PIP5K1B: variants seen among roughly 807,000 people sequenced by gnomAD.
PIP5K1B encodes phosphatidylinositol 4-phosphate 5-kinase type-1 beta.
In PIP5K1B, 42 loss-of-function variants were observed where a neutral mutation model predicts 67.0. That is an observed-to-expected ratio of 0.63 (90% CI 0.49 to 0.81). The LOEUF (loss-of-function observed/expected upper bound fraction) is 0.81, where lower values mean the gene tolerates loss of function less well. Among genes scored for constraint, PIP5K1B ranks in the 30% least tolerant of loss-of-function variants. The pLI is 0.00. For synonymous variants in PIP5K1B, 214 were observed against 231.4 expected, an observed-to-expected ratio of 0.92 and a Z score of 0.68; for missense variants, 459 against 646.3, an observed-to-expected ratio of 0.71 and a Z score of 3.14.
chr9:68,874,961 G>A (rs1360680361), intron 5 of PIP5K1B, among the ~76,000 whole-genome samples: 2 of 152,002 alleles, frequency 1.3e-5, no homozygotes, highest in Non-Finnish European at 2.9e-5. Flanking sequence ...ATTATTACAT[G>A]CCATATAAGT....
chr9:68,801,046 C>A (rs1485730225), intron 2 of PIP5K1B, among the ~76,000 whole-genome samples: 2 of 152,220 alleles, frequency 1.3e-5, no homozygotes, highest in African/African-American at 4.8e-5. Flanking sequence ...TGAGTCAGCA[C>A]CTGCTACTAC....
At chr9:68,810,923 T>C (rs1457373891) in intron 2 of PIP5K1B, among the ~76,000 whole-genome samples, 1 of 152,228 alleles carries the variant, frequency 6.6e-6, no homozygotes, top group Non-Finnish European at 1.5e-5. Flanking sequence ...TGTTTTTAAG[T>C]AGGAGAAAAC....
intron 2 of PIP5K1B, chr9:68,784,669 A>T (rs1831508159): frequency 6.1e-6 from 1 of 165,008 alleles, no homozygotes; most frequent in South Asian, 2.1e-4. Context: ...AATTTTGAAG[A>T]TCTAACAGAG....
chr9:68,787,170 A>T (rs1247125356), intron 2 of PIP5K1B, among the ~76,000 whole-genome samples: 1 of 152,200 alleles, frequency 6.6e-6, no homozygotes, highest in Admixed American at 6.5e-5. Context: ...TGTAAAGGGA[A>T]GTGAGTAGAA....
At chr9:68,944,368 T>A (rs893069319) in intron 14 of PIP5K1B, among the ~76,000 whole-genome samples, 1 of 152,246 alleles carries the variant, frequency 6.6e-6, no homozygotes, top group African/African-American at 2.4e-5. Flanking sequence ...GTTACACTTA[T>A]GAATATTTTC....
chr9:68,877,532 G>A (rs1460873755), intron 6 of PIP5K1B, among the ~76,000 whole-genome samples: 4 of 152,216 alleles, frequency 2.6e-5, no homozygotes, highest in African/African-American at 9.7e-5. Context: ...TAGGAAGAAT[G>A]CCATCAAATA....
chr9:68,897,639 C>T (rs985843384), intron 8 of PIP5K1B, among the ~76,000 whole-genome samples: 2 of 152,244 alleles, frequency 1.3e-5, no homozygotes, highest in Non-Finnish European at 2.9e-5. Flanking sequence ...ATATGAGAGC[C>T]ACATATTGTC....
At chr9:68,794,003 TGAA>T in intron 2 of PIP5K1B, among the ~76,000 whole-genome samples, 2 of 152,206 alleles carry the variant, frequency 1.3e-5, no homozygotes, top group Non-Finnish European at 2.9e-5. Flanking sequence ...AGAAACCATG[TGAA>T]GAAGACATGA....
intron 1 of PIP5K1B, chr9:68,706,286 A>C (rs990950585): frequency 6.6e-6 from 1 of 152,264 alleles, no homozygotes; most frequent in Admixed American, 6.5e-5. Context: ...TTTCTCCCCC[A>C]GCCTGGTCAA....
In PIP5K1B at chr9:68,889,092, G is replaced by T; in HGVS notation, c.430G>T (p.Glu144Ter). The T allele has an allele frequency of 6.2e-7, 1 of 1,613,600 alleles. No individual in the cohort carries two copies. Among genetic ancestry groups the T allele is most frequent in the Non-Finnish European group, 8.5e-7 (1 of 1,179,560 alleles). The change falls in exon 7 of 16, where the codon GAA (glutamate) becomes TAA (stop). Residue 144 changes from glutamate to a stop codon, truncating the protein, a stop_gained. Transcript: ENST00000265382. LOFTEE classifies it high-confidence loss of function. ...TATCATCAAAACAGTTCAGCACAAA[G>T]AAGCTGAGTTTCTTCAGAAGCTACT... ...EFIIKTVQHKEAEFLQKLLPG... is the reference protein window; with the variant it reads ...EFIIKTVQHK
At chr9:68,796,186 A>G (rs1832282995) in intron 2 of PIP5K1B, among the ~76,000 whole-genome samples, 1 of 152,216 alleles carries the variant, frequency 6.6e-6, no homozygotes, top group African/African-American at 2.4e-5. Context: ...CATGTAATAT[A>G]CAGTGAATGT....
intron 4 of PIP5K1B, among the ~76,000 whole-genome samples, chr9:68,843,742 C>T (rs569838094): frequency 1.4e-4 from 21 of 152,226 alleles, no homozygotes; most frequent in African/African-American, 4.8e-4. Context: ...CCTTACCCAA[C>T]GAGACTGTAG....
chr9:68,766,882 T>C (rs1457398216), intron 2 of PIP5K1B, among the ~76,000 whole-genome samples: 1 of 152,234 alleles, frequency 6.6e-6, no homozygotes, highest in African/African-American at 2.4e-5. Context: ...TAGGAAAATT[T>C]ACTTTATTAA....
chr9:68,877,292 G>A (rs879530120), intron 6 of PIP5K1B, among the ~76,000 whole-genome samples: 1 of 152,134 alleles, frequency 6.6e-6, no homozygotes, highest in Non-Finnish European at 1.5e-5. Context: ...TGGTACAAGG[G>A]CATATTTTAT....
intron 2 of PIP5K1B, among the ~76,000 whole-genome samples, chr9:68,791,857 A>G (rs550373108): frequency 6.6e-6 from 1 of 152,300 alleles, no homozygotes; most frequent in East Asian, 1.9e-4. Context: ...CTCCACTTCA[A>G]CATATCCCCT....
At chr9:68,871,239 G>GT (rs1412771364) in intron 5 of PIP5K1B, among the ~76,000 whole-genome samples, 2 of 151,908 alleles carry the variant, frequency 1.3e-5, no homozygotes, top group African/African-American at 4.9e-5. Flanking sequence ...CCTGAAACTT[G>GT]TAACAGAATC....
chr9:68,914,752 G>T (rs1273354027), intron 8 of PIP5K1B, among the ~76,000 whole-genome samples: 2 of 151,884 alleles, frequency 1.3e-5, no homozygotes, highest in Non-Finnish European at 2.9e-5. Flanking sequence ...TAAATAAAAA[G>T]AAAAAGACAA....
intron 2 of PIP5K1B, chr9:68,779,893 G>A: frequency 2.3e-6 from 1 of 432,020 alleles, no homozygotes; most frequent in Non-Finnish European, 4.0e-6. Context: ...ACGCGAGCTT[G>A]CGCTCAATAG....
chr9:68,744,465 G>C (rs774360286), intron 2 of PIP5K1B, among the ~76,000 whole-genome samples: 5 of 152,208 alleles, frequency 3.3e-5, no homozygotes, highest in Admixed American at 6.5e-5. Flanking sequence ...TAATTTGCCA[G>C]ATATTTAAAA....
Sources: gnomAD v4.1 joint callset for allele counts (sites outside exome capture counted in the v4.1 genomes callset) on GRCh38, gnomAD v4.1.1 for gene constraint, MANE v1.5 for transcripts, NCBI Gene and HGNC (gene_info 2026-07-23, HGNC 2026-07-21) for gene names.